The following CACNA2D3 variants were observed in gnomAD, a reference collection of about 807,000 sequenced individuals.
CACNA2D3 encodes voltage-dependent calcium channel subunit alpha-2/delta-3.
A neutral mutation model predicts 160.6 loss-of-function variants in CACNA2D3; 60 were observed. The ratio of observed to expected loss-of-function variants is 0.37; its 90% CI spans 0.30 to 0.46. The LOEUF is 0.46. Ranked by LOEUF, CACNA2D3 falls within the 20% of genes least tolerant of loss-of-function variation. The pLI, the probability that CACNA2D3 is intolerant of heterozygous loss-of-function variation, is 1.00. For missense variants in CACNA2D3, 1,205 were observed against 1,365.0 expected (o/e 0.88, Z 1.85); for synonymous variants, 558 against 492.9 (o/e 1.13, Z -1.75).
At chr3:54,674,901 G>T (rs959940256) in intron 11 of CACNA2D3, among the ~76,000 whole-genome samples, 31 of 152,106 alleles carry the variant, frequency 2.0e-4, no homozygotes, top group African/African-American at 7.5e-4. Flanking sequence ...CACCATTATT[G>T]AGAGAGATGG....
chr3:54,435,640 C>T (rs1461586563), intron 4 of CACNA2D3, among the ~76,000 whole-genome samples: 1 of 152,120 alleles, frequency 6.6e-6, no homozygotes, highest in East Asian at 1.9e-4. Flanking sequence ...GAAATAGAAT[C>T]CAGAGTCCCA....
chr3:54,551,230 T>C (rs1702151900), intron 5 of CACNA2D3, among the ~76,000 whole-genome samples: 1 of 152,212 alleles, frequency 6.6e-6, no homozygotes, highest in Admixed American at 6.5e-5. Context: ...TGCCTCTGCG[T>C]TCTGCAGATT....
chr3:54,871,072 A>G (rs1160280154), intron 17 of CACNA2D3, among the ~76,000 whole-genome samples: 1 of 84,020 alleles, frequency 1.2e-5, no homozygotes, highest in African/African-American at 4.1e-5. Context: ...ACACACACAC[A>G]CACACACACA....
At chr3:54,423,829 G>C (rs962458322) in intron 4 of CACNA2D3, among the ~76,000 whole-genome samples, 4 of 152,088 alleles carry the variant, frequency 2.6e-5, no homozygotes, top group Admixed American at 6.5e-5. Context: ...GGGAGCACAG[G>C]CTCCATATTC....
chr3:54,369,315 C>G (rs547119768), intron 3 of CACNA2D3, among the ~76,000 whole-genome samples: 1 of 152,066 alleles, frequency 6.6e-6, no homozygotes, highest in South Asian at 2.1e-4. Context: ...GTTCATTTTG[C>G]TGGTGGGTGG....
At chr3:55,063,493 A>G (rs1704563216) in intron 35 of CACNA2D3, among the ~76,000 whole-genome samples, 2 of 152,208 alleles carry the variant, frequency 1.3e-5, no homozygotes, top group Non-Finnish European at 2.9e-5. Flanking sequence ...GAAACAAAAC[A>G]AAATGCTCTT....
chr3:54,457,724 G>A (rs6766140), intron 4 of CACNA2D3, among the ~76,000 whole-genome samples: 9,557 of 151,900 alleles, frequency 0.063, 599 homozygotes, highest in African/African-American at 0.15. Flanking sequence ...TGCTTTACAT[G>A]TAAATATATG....
At chr3:54,406,141 A>G (rs1575438057) in intron 4 of CACNA2D3, among the ~76,000 whole-genome samples, 1 of 152,134 alleles carries the variant, frequency 6.6e-6, no homozygotes, top group East Asian at 1.9e-4. Flanking sequence ...TATGGAGGTT[A>G]CTAAACAAAT....
chr3:55,064,067 G>T (rs1704577224), intron 35 of CACNA2D3, among the ~76,000 whole-genome samples: 1 of 152,188 alleles, frequency 6.6e-6, no homozygotes, highest in African/African-American at 2.4e-5. Context: ...CATTGGCCCA[G>T]TGCTTAAGGA....
intron 4 of CACNA2D3, among the ~76,000 whole-genome samples, chr3:54,440,477 TA>T (rs1251139129): frequency 6.6e-6 from 1 of 152,106 alleles, no homozygotes; most frequent in Non-Finnish European, 1.5e-5. Flanking sequence ...TATTTCTTTT[TA>T]AAAAAATTAT....
At chr3:54,687,147 T>TTTG (rs1700478265) in intron 11 of CACNA2D3, among the ~76,000 whole-genome samples, 6 of 79,410 alleles carry the variant, frequency 7.6e-5, no homozygotes, top group African/African-American at 2.1e-4. Flanking sequence ...TTTTTTTTTT[T>TTTG]TTTGTTTTTT....
chr3:54,909,445 G>T (rs1257165507), intron 27 of CACNA2D3, among the ~76,000 whole-genome samples: 1 of 151,918 alleles, frequency 6.6e-6, no homozygotes, highest in Non-Finnish European at 1.5e-5. Flanking sequence ...TGTGACTCAT[G>T]CTAAGTAAAG....
chr3:54,854,684 G>A (rs368119433), intron 17 of CACNA2D3, among the ~76,000 whole-genome samples: 7 of 152,164 alleles, frequency 4.6e-5, no homozygotes, highest in East Asian at 3.9e-4. Context: ...AGTTCTCATT[G>A]CCTCGTGCGT....
intron 9 of CACNA2D3, among the ~76,000 whole-genome samples, chr3:54,598,357 G>GA (rs915759911): frequency 9.3e-5 from 8 of 86,192 alleles, no homozygotes; most frequent in South Asian, 4.4e-4. Context: ...AAAGAAAAAA[G>GA]AAAAAAATCT....
At chr3:54,539,554 C>T (rs769845537) in intron 5 of CACNA2D3, among the ~76,000 whole-genome samples, 12 of 152,172 alleles carry the variant, frequency 7.9e-5, no homozygotes, top group African/African-American at 1.7e-4. Context: ...CTTTGCCTTC[C>T]GCTACTTTTG....
chr3:54,579,721 AG>A (rs1214026357), intron 8 of CACNA2D3, among the ~76,000 whole-genome samples: 1 of 152,226 alleles, frequency 6.6e-6, no homozygotes. Context: ...TTCCAGGGTC[AG>A]TCCAACAGAG....
intron 13 of CACNA2D3, among the ~76,000 whole-genome samples, chr3:54,792,533 G>C (rs1354365012): frequency 2.0e-5 from 3 of 152,172 alleles, no homozygotes; most frequent in African/African-American, 7.2e-5. Flanking sequence ...AATGCTGTCA[G>C]GAATCTGCCT....
intron 4 of CACNA2D3, among the ~76,000 whole-genome samples, chr3:54,472,465 A>G (rs1433334602): frequency 6.6e-6 from 1 of 152,228 alleles, no homozygotes; most frequent in African/African-American, 2.4e-5. Flanking sequence ...AACTGGAAGC[A>G]TTCCCTTTGA....
chr3:54,885,013 A>G (rs1029491921), intron 21 of CACNA2D3, among the ~76,000 whole-genome samples: 4 of 152,116 alleles, frequency 2.6e-5, no homozygotes, highest in Admixed American at 6.5e-5. Context: ...TGTATCCTCT[A>G]TCTTCAAGGG....
Sources: gnomAD v4.1 joint callset for allele counts (sites outside exome capture counted in the v4.1 genomes callset) on GRCh38, gnomAD v4.1.1 for gene constraint, MANE v1.5 for transcripts, NCBI Gene and HGNC (gene_info 2026-07-23, HGNC 2026-07-21) for gene names.